Variants in ADAMTS3 observed in about 807,000 individuals in gnomAD.
ADAMTS3 encodes the protein ADAM metallopeptidase with thrombospondin type 1 motif 3.
Under a neutral mutation model 129.0 loss-of-function variants are expected in ADAMTS3, and 73 were observed. That is an observed-to-expected ratio of 0.57 (90% CI 0.47 to 0.69). The LOEUF is 0.69. Ranked by LOEUF, ADAMTS3 falls within the 30% of genes least tolerant of loss-of-function variation. The pLI is 0.00. For missense variants in ADAMTS3, 1,457 were observed against 1,514.5 expected, an observed-to-expected ratio of 0.96 and a Z score of 0.63; for synonymous variants, 477 against 510.8, an observed-to-expected ratio of 0.93 and a Z score of 0.89.
intron 4 of ADAMTS3, among the ~76,000 whole-genome samples, chr4:72,366,509 T>C (rs1200792874): frequency 6.6e-6 from 1 of 152,212 alleles, no homozygotes; most frequent in Non-Finnish European, 1.5e-5. Flanking sequence ...ATTATTTGTT[T>C]TCCCAAGCTA....
At chr4:72,368,760 T>C (rs1400455575) in intron 4 of ADAMTS3, among the ~76,000 whole-genome samples, 1 of 152,192 alleles carries the variant, frequency 6.6e-6, no homozygotes, top group Admixed American at 6.5e-5. Context: ...TTGTAAATTA[T>C]TATGAAAATT....
chr4:72,471,795 A>T (rs1719081526), intron 3 of ADAMTS3, among the ~76,000 whole-genome samples: 1 of 152,108 alleles, frequency 6.6e-6, no homozygotes, highest in Non-Finnish European at 1.5e-5. Context: ...TAATAAATCA[A>T]TATTTAATTT....
intron 4 of ADAMTS3, among the ~76,000 whole-genome samples, chr4:72,401,960 C>T (rs182787468): frequency 3.3e-5 from 5 of 152,172 alleles, no homozygotes; most frequent in African/African-American, 4.8e-5. Context: ...GAAATATTTA[C>T]GTAACAATAA....
intron 3 of ADAMTS3, among the ~76,000 whole-genome samples, chr4:72,482,710 T>C (rs6834103): frequency 0.86 from 131,274 of 151,952 alleles, 58,412 homozygotes; most frequent in East Asian, 1. Context: ...ACAGAATCTA[T>C]AACTATCTCA....
At chr4:72,329,858 C>G (rs1204509176) in intron 5 of ADAMTS3, among the ~76,000 whole-genome samples, 1 of 151,934 alleles carries the variant, frequency 6.6e-6, no homozygotes, top group East Asian at 1.9e-4. Context: ...CTCTACAGCT[C>G]TACTTTCTCT....
At chr4:72,481,534 G>C (rs1719435951) in intron 3 of ADAMTS3, among the ~76,000 whole-genome samples, 1 of 152,036 alleles carries the variant, frequency 6.6e-6, no homozygotes, top group Non-Finnish European at 1.5e-5. Context: ...TATATCTGAA[G>C]CAAAAATCAA....
At position 72,281,720 on chromosome 4, in the gene ADAMTS3, A is replaced by G. The variant is rs1718348341; in HGVS notation, c.*1416T>C. The G allele has an allele frequency of 1.3e-5, 2 of 152,188 alleles. No individual in the cohort carries two copies. Among genetic ancestry groups the G allele is most frequent in the South Asian group, 4.1e-4 (2 of 4,830 alleles). The allele number at this position is 152,188 out of a possible 1,614,324, so 9.4% of individuals were successfully genotyped here. The stretch of plus-strand genomic sequence containing the variant: ...AGTTTGCTTAAAGGTCTCTATGCAC[A>G]GAACAAAGCATGCATCTCTAATTAT... On this transcript the variant is annotated 3_prime_UTR_variant, in exon 22 of 22. Transcript: ENST00000286657.
intron 3 of ADAMTS3, among the ~76,000 whole-genome samples, chr4:72,530,981 T>TTCA: frequency 6.7e-6 from 1 of 150,064 alleles, no homozygotes; most frequent in East Asian, 1.9e-4. Context: ...TGTTTGGAAT[T>TTCA]TAATGGGAAG....
intron 3 of ADAMTS3, among the ~76,000 whole-genome samples, chr4:72,526,067 G>C (rs1469687151): frequency 6.6e-6 from 1 of 152,190 alleles, no homozygotes; most frequent in Non-Finnish European, 1.5e-5. Flanking sequence ...GGAAATTGCT[G>C]TGCTGCTCCA....
chr4:72,550,017 A>G (rs1182679310), intron 2 of ADAMTS3, among the ~76,000 whole-genome samples: 373 of 1,630 alleles, frequency 0.23, 78 homozygotes, highest in African/African-American at 0.36. Flanking sequence ...GAAGAAGAAG[A>G]AGAAGAAGAA....
At chr4:72,315,761 A>T in intron 11 of ADAMTS3, 97 bp downstream of exon 11, 1 of 742,314 alleles carries the variant, frequency 1.3e-6, no homozygotes, top group Non-Finnish European at 2.2e-6. Flanking sequence ...TTTTCATAAA[A>T]ATGACAGTGC....
intron 3 of ADAMTS3, among the ~76,000 whole-genome samples, chr4:72,452,575 G>A (rs929058354): frequency 4.6e-5 from 7 of 151,744 alleles, no homozygotes; most frequent in Admixed American, 1.3e-4. Context: ...TTTTGAAACT[G>A]CTTCAACAAC....
chr4:72,519,385 G>A (rs1422339566), intron 3 of ADAMTS3, among the ~76,000 whole-genome samples: 1 of 152,182 alleles, frequency 6.6e-6, no homozygotes, highest in African/African-American at 2.4e-5. Context: ...ATGTTGGCCT[G>A]CCTTGCTGGA....
At chr4:72,301,946 G>A (rs1209726581) in intron 17 of ADAMTS3, among the ~76,000 whole-genome samples, 2 of 152,036 alleles carry the variant, frequency 1.3e-5, no homozygotes, top group African/African-American at 4.8e-5. Context: ...AAGACACCAG[G>A]CAGTCCACAG....
intron 5 of ADAMTS3, 100 bp downstream of exon 5, chr4:72,339,394 C>T (rs1720072885): frequency 9.3e-7 from 1 of 1,078,508 alleles, no homozygotes; most frequent in Non-Finnish European, 1.4e-6. Flanking sequence ...CATATTTTGG[C>T]ACAGTCATGG....
chr4:72,291,573 C>T (rs1718669206), intron 19 of ADAMTS3, among the ~76,000 whole-genome samples: 1 of 151,934 alleles, frequency 6.6e-6, no homozygotes, highest in African/African-American at 2.4e-5. Context: ...CTACAAAGGA[C>T]ATGAACTCAT....
intron 2 of ADAMTS3, among the ~76,000 whole-genome samples, chr4:72,560,246 C>G (rs193228015): frequency 7.2e-4 from 108 of 151,040 alleles, no homozygotes; most frequent in African/African-American, 2.6e-3. Flanking sequence ...TATAAAAACC[C>G]TAAAAGAAAA....
At chr4:72,470,469 T>C (rs1032725239) in intron 3 of ADAMTS3, among the ~76,000 whole-genome samples, 1 of 150,596 alleles carries the variant, frequency 6.6e-6, no homozygotes, top group African/African-American at 2.4e-5. Flanking sequence ...TATATACATA[T>C]TATGAGTATG....
Position 72,525,202 on chromosome 4 carries a change from T to A in ADAMTS3, c.504+23276A>T, listed in dbSNP as rs115751016. On this transcript the variant is annotated intron_variant, in intron 3 of 21. Transcript: ENST00000286657. The stretch of plus-strand genomic sequence containing the variant: ...GGGAAGAGAAACTGCTCCAAATTAT[T>A]AAGGGTCAAAACAGGTAGAGCCTAA... Among the ~76,000 whole-genome samples the A allele has an allele frequency of 2.2e-3, 342 of 152,238 alleles. 2 individuals are homozygous for A. Among genetic ancestry groups the A allele is most frequent in the African/African-American group, 8.1e-3 (336 of 41,550 alleles).
Sources: gnomAD v4.1 joint callset for allele counts (sites outside exome capture counted in the v4.1 genomes callset) on GRCh38, gnomAD v4.1.1 for gene constraint, MANE v1.5 for transcripts, NCBI Gene and HGNC (gene_info 2026-07-23, HGNC 2026-07-21) for gene names.